The following CTIF variants were observed in gnomAD, a reference collection of about 807,000 sequenced individuals.
The protein encoded by CTIF is cap binding complex dependent translation initiation factor.
CTIF carries 21 observed loss-of-function variants against 66.0 expected under a neutral mutation model. The observed-to-expected ratio is 0.32, with a 90% CI of 0.23 to 0.46. The LOEUF (loss-of-function observed/expected upper bound fraction) is 0.46. Among genes scored for constraint, CTIF ranks in the 20% least tolerant of loss-of-function variants. The pLI, the probability that CTIF is intolerant of heterozygous loss-of-function variation, is 1.00. For missense variants in CTIF, 739 were observed against 812.7 expected (o/e 0.91, Z 1.10); for synonymous variants, 345 against 326.4 (o/e 1.06, Z -0.62).
At chr18:48,807,269 CA>C (rs1387668807) in intron 9 of CTIF, among the ~76,000 whole-genome samples, 1 of 151,950 alleles carries the variant, frequency 6.6e-6, no homozygotes, top group South Asian at 2.1e-4. Flanking sequence ...TGTCCTAATG[CA>C]AAAAATCAAG....
At chr18:48,828,307 T>C (rs1275892189) in intron 10 of CTIF, among the ~76,000 whole-genome samples, 1 of 152,162 alleles carries the variant, frequency 6.6e-6, no homozygotes, top group Non-Finnish European at 1.5e-5. Flanking sequence ...GAAGGTGGTG[T>C]GGGTGCAAGC....
At chr18:48,568,402 A>G (rs1310095967) in intron 1 of CTIF, 1 of 151,942 alleles carries the variant, frequency 6.6e-6, no homozygotes, top group Non-Finnish European at 1.5e-5. Context: ...TGCGGCCCCC[A>G]CCCAAGGTCA....
At chr18:48,787,585 C>G (rs1269312261) in intron 9 of CTIF, among the ~76,000 whole-genome samples, 1 of 152,152 alleles carries the variant, frequency 6.6e-6, no homozygotes, top group Admixed American at 6.5e-5. Flanking sequence ...GGGACCGTGA[C>G]GGGCCCCAGC....
At chr18:48,708,366 T>A (rs2092185187) in intron 6 of CTIF, among the ~76,000 whole-genome samples, 1 of 152,182 alleles carries the variant, frequency 6.6e-6, no homozygotes, top group African/African-American at 2.4e-5. Context: ...CACCCTGAGT[T>A]GTATGTGTCT....
intron 9 of CTIF, among the ~76,000 whole-genome samples, chr18:48,812,145 G>A (rs756483711): frequency 3.9e-5 from 6 of 152,056 alleles, no homozygotes; most frequent in Non-Finnish European, 8.8e-5. Context: ...TATATTTTTA[G>A]TAGAGGCGGG....
chr18:48,626,102 CA>C lies in CTIF; in HGVS notation c.180+6359del, dbSNP rs370146504. 1.2e-3 allele frequency among the ~76,000 whole-genome samples: 172 copies of C among 147,116 alleles called. 8 individuals are homozygous for C. The South Asian group carries it at 0.03, about 25-fold the overall frequency. ...CTGCAACCTCCCCCCACCGCAGGTT[CA>C]AGCAACTCTCCTGTCAGCCTCCCGA... On this transcript the variant is annotated intron_variant, in intron 2 of 11. Transcript: ENST00000256413.
At chr18:48,826,405 G>A (rs2068583356) in intron 10 of CTIF, 1 of 152,210 alleles carries the variant, frequency 6.6e-6, no homozygotes, top group African/African-American at 2.4e-5. Flanking sequence ...TATTTCCATA[G>A]GTGGCCTTGC....
intron 6 of CTIF, among the ~76,000 whole-genome samples, chr18:48,699,957 C>T (rs902783380): frequency 1.8e-4 from 27 of 152,250 alleles, no homozygotes; most frequent in African/African-American, 6.5e-4. Flanking sequence ...CACGTGAGCA[C>T]ACTCCACACT....
intron 9 of CTIF, among the ~76,000 whole-genome samples, chr18:48,771,633 G>A (rs911453020): frequency 2.0e-5 from 3 of 152,160 alleles, no homozygotes; most frequent in East Asian, 1.9e-4. Context: ...AGGCTGCCAC[G>A]CCGAAGCAGG....
chr18:48,719,341 G>A (rs954758093), intron 7 of CTIF, among the ~76,000 whole-genome samples: 3 of 152,032 alleles, frequency 2.0e-5, no homozygotes, highest in African/African-American at 7.2e-5. Context: ...TAGCACCTCA[G>A]AACACTCTAC....
At chr18:48,800,770 G>A (rs969719489) in intron 9 of CTIF, among the ~76,000 whole-genome samples, 1 of 152,236 alleles carries the variant, frequency 6.6e-6, no homozygotes, top group Non-Finnish European at 1.5e-5. Flanking sequence ...AGGTCCAAGG[G>A]CTGAGTGGGA....
In CTIF at chr18:48,758,319, A is replaced by G; in HGVS notation, c.985A>G (p.Ile329Val). Residue 329 changes from isoleucine to valine, a missense_variant, in exon 8 of 12, where the codon ATT becomes GTT. By Grantham distance (29) the Ile-to-Val change is conservative (BLOSUM62 3). Transcript: ENST00000256413. ...GGTTGAGACAAAACGTAAAGACAGT[A>G]TTCTTCCCGAGCGCATCGGGGAGCG... ...PEVETKRKDS[I>V]LPERIGERPK... The G allele has an allele frequency of 3.1e-6, 5 of 1,613,158 alleles. No individual in the cohort carries two copies. Among genetic ancestry groups the G allele is most frequent in the Non-Finnish European group, 4.2e-6 (5 of 1,179,984 alleles).
chr18:48,560,137 T>C (rs2089119386), intron 1 of CTIF, among the ~76,000 whole-genome samples: 1 of 151,918 alleles, frequency 6.6e-6, no homozygotes, highest in Non-Finnish European at 1.5e-5. Flanking sequence ...CATATACTAC[T>C]GGTCAAGCAG....
chr18:48,591,483 G>A (rs889583848), intron 1 of CTIF, among the ~76,000 whole-genome samples: 1 of 152,234 alleles, frequency 6.6e-6, no homozygotes, highest in Non-Finnish European at 1.5e-5. Flanking sequence ...TGACCTTGGT[G>A]TCTGAACCTT....
chr18:48,748,775 G>C (rs1355260671), intron 7 of CTIF, among the ~76,000 whole-genome samples: 2 of 152,206 alleles, frequency 1.3e-5, no homozygotes, highest in Non-Finnish European at 2.9e-5. Context: ...CCTGGATGAG[G>C]TGCTGGTTGC....
At chr18:48,612,254 C>A (rs978656972) in intron 1 of CTIF, among the ~76,000 whole-genome samples, 3 of 152,168 alleles carry the variant, frequency 2.0e-5, no homozygotes, top group Non-Finnish European at 4.4e-5. Context: ...TGGAGGGACG[C>A]GGTTGGCAGT....
rs546224552 is a variant in CTIF, at chr18:48,804,545, G to A, written c.1372-12676G>A. 4.7e-4 allele frequency among the ~76,000 whole-genome samples: 71 copies of A among 152,350 alleles called. 1 individual carries two copies. The highest frequency in any genetic ancestry group is 1.4e-3 in the African/African-American group (58 of 41,580). On this transcript the variant is annotated intron_variant, in intron 9 of 11. Transcript: ENST00000256413. ...CCAGGGGTCGGGGGCGGCCAGGTCC[G>A]AGGCAGGCTTTGGTGGATGGAGTAA...
At chr18:48,547,980 G>T (rs573658231) in intron 1 of CTIF, among the ~76,000 whole-genome samples, 1 of 152,220 alleles carries the variant, frequency 6.6e-6, no homozygotes, top group African/African-American at 2.4e-5. Flanking sequence ...CATGCAGGGA[G>T]CTGTGTGGAA....
intron 9 of CTIF, among the ~76,000 whole-genome samples, chr18:48,787,164 G>A (rs1270544898): frequency 6.6e-6 from 1 of 152,030 alleles, no homozygotes; most frequent in African/African-American, 2.4e-5. Flanking sequence ...CACCGGCCCA[G>A]AAGGATGACC....
Sources: allele counts gnomAD v4.1 joint callset (sites outside exome capture counted in the v4.1 genomes callset), GRCh38; gene constraint gnomAD v4.1.1; transcripts MANE v1.5; gene names NCBI Gene and HGNC (gene_info 2026-07-23, HGNC 2026-07-21).